The following ALX4 variants were observed in gnomAD, a reference collection of about 807,000 sequenced individuals.
The protein encoded by ALX4 is homeobox protein aristaless-like 4.
A neutral mutation model predicts 40.6 loss-of-function variants in ALX4; 22 were observed. The observed-to-expected ratio is 0.54, with a 90% CI of 0.39 to 0.77. The LOEUF (loss-of-function observed/expected upper bound fraction) is 0.77. Ranked by LOEUF, ALX4 falls within the 30% of genes least tolerant of loss-of-function variation. The probability of loss-of-function intolerance (pLI) is 0.00; values close to 1 mark genes in which losing one functional copy is unlikely to be tolerated. For missense variants in ALX4, 556 were observed against 564.8 expected (o/e 0.98, Z 0.16); for synonymous variants, 266 against 240.5 (o/e 1.11, Z -0.98).
intron 1 of ALX4, among the ~76,000 whole-genome samples, chr11:44,278,700 C>A (rs542024760): frequency 2.6e-5 from 4 of 152,196 alleles, no homozygotes; most frequent in African/African-American, 9.7e-5. Flanking sequence ...CCTCGGCCCC[C>A]GCTCTTCTCA....
chr11:44,275,727 G>A, intron 1 of ALX4, 69 bp from the exon 2 acceptor site: 1 of 1,504,424 alleles, frequency 6.6e-7, no homozygotes, highest in African/African-American at 1.4e-5. Flanking sequence ...ATGTCAGGGG[G>A]AGAGTGGGGC....
chr11:44,280,233 CAGA>C (rs753772542), intron 1 of ALX4, among the ~76,000 whole-genome samples: 4 of 152,220 alleles, frequency 2.6e-5, no homozygotes, highest in Non-Finnish European at 1.5e-5. Flanking sequence ...GAGCAAGGGA[CAGA>C]AGGAGAAGCA....
intron 1 of ALX4, among the ~76,000 whole-genome samples, chr11:44,278,351 C>T (rs1406358998): frequency 6.6e-6 from 1 of 152,202 alleles, no homozygotes; most frequent in Non-Finnish European, 1.5e-5. Flanking sequence ...CCTCTACTCC[C>T]TCCCCTGCGG....
chr11:44,275,160 C>A (rs934384730), intron 2 of ALX4, among the ~76,000 whole-genome samples, 188 bp downstream of exon 2: 1 of 152,188 alleles, frequency 6.6e-6, no homozygotes, highest in African/African-American at 2.4e-5. Flanking sequence ...AGGATAAAAG[C>A]AGAGTCGCTC....
At chr11:44,288,856 A>T (rs1159230120) in intron 1 of ALX4, among the ~76,000 whole-genome samples, 1 of 152,248 alleles carries the variant, frequency 6.6e-6, no homozygotes, top group Non-Finnish European at 1.5e-5. Flanking sequence ...TTGTATAAAA[A>T]AAAGAAATGG....
At chr11:44,287,595 C>CAAAA (rs201040076) in intron 1 of ALX4, among the ~76,000 whole-genome samples, 6 of 130,632 alleles carry the variant, frequency 4.6e-5, no homozygotes, top group South Asian at 2.8e-4. Context: ...AGACCTGTCT[C>CAAAA]AAAAAAAAAA....
intron 1 of ALX4, among the ~76,000 whole-genome samples, chr11:44,305,566 C>T (rs1401118891): frequency 6.6e-6 from 1 of 152,232 alleles, no homozygotes; most frequent in Non-Finnish European, 1.5e-5. Flanking sequence ...GTATACAAAA[C>T]ACACCCCAGT....
chr11:44,280,038 A>G (rs139920072), intron 1 of ALX4, among the ~76,000 whole-genome samples: 1 of 152,362 alleles, frequency 6.6e-6, no homozygotes. Context: ...ATGTCTCTCG[A>G]GTAAATGAAC....
At chr11:44,282,326 G>A (rs72907810) in intron 1 of ALX4, among the ~76,000 whole-genome samples, 9,965 of 149,466 alleles carry the variant, frequency 0.067, 447 homozygotes, top group Non-Finnish European at 0.1. Flanking sequence ...TATCACAGTG[G>A]GAATAAGACC....
At chr11:44,301,662 A>C (rs1026460374) in intron 1 of ALX4, among the ~76,000 whole-genome samples, 4 of 152,152 alleles carry the variant, frequency 2.6e-5, no homozygotes, top group Non-Finnish European at 5.9e-5. Flanking sequence ...CGCATCCAAC[A>C]AGAGAGCGGG....
At chr11:44,292,515 A>G (rs1447039590) in intron 1 of ALX4, among the ~76,000 whole-genome samples, 2 of 151,196 alleles carry the variant, frequency 1.3e-5, no homozygotes, top group Non-Finnish European at 1.5e-5. Context: ...CACCATGCCC[A>G]GTCCTAGTTT....
chr11:44,281,104 T>C (rs1345991064), intron 1 of ALX4, among the ~76,000 whole-genome samples: 1 of 152,180 alleles, frequency 6.6e-6, no homozygotes, highest in Non-Finnish European at 1.5e-5. Flanking sequence ...GACTGATTTT[T>C]CTTTTTTCTT....
intron 1 of ALX4, among the ~76,000 whole-genome samples, chr11:44,306,341 C>T (rs184917040): frequency 6.6e-6 from 1 of 152,368 alleles, no homozygotes; most frequent in Non-Finnish European, 1.5e-5. Flanking sequence ...CAGACCCGGC[C>T]AGCAGAGACT....
chr11:44,285,297 C>T (rs970426748), intron 1 of ALX4, among the ~76,000 whole-genome samples: 1 of 152,194 alleles, frequency 6.6e-6, no homozygotes, highest in African/African-American at 2.4e-5. Flanking sequence ...AACCATATTC[C>T]GTACCCCTTT....
chr11:44,286,225 G>A (rs1010544987), intron 1 of ALX4, among the ~76,000 whole-genome samples: 11 of 152,216 alleles, frequency 7.2e-5, no homozygotes, highest in African/African-American at 2.4e-4. Context: ...ACAGCGCAGG[G>A]CAGGAAGGAC....
At position 44,273,048 on chromosome 11, in the gene ALX4, A is replaced by T. The variant is rs1956258053; in HGVS notation, c.777+2300T>A. On this transcript the variant is annotated intron_variant, in intron 2 of 3. Coordinates refer to ENST00000652299, the MANE Select transcript of ALX4 (RefSeq NM_021926.4). ...GTTGTAACTGATGAATCTTTTACTG[A>T]TGCCTTAGAACAATGCTGCTGAAGA... Among the ~76,000 whole-genome samples, 3 of 152,180 alleles carry T rather than the reference A, an allele frequency of 2.0e-5. No individual in the cohort carries two copies. In the South Asian group the frequency reaches 6.2e-4, roughly 31 times the overall value.
At chr11:44,266,547 C>T (rs1375795862) in intron 3 of ALX4, among the ~76,000 whole-genome samples, 1 of 152,164 alleles carries the variant, frequency 6.6e-6, no homozygotes, top group Non-Finnish European at 1.5e-5. Flanking sequence ...AGACCATTTG[C>T]TAGCACAGAA....
intron 1 of ALX4, among the ~76,000 whole-genome samples, chr11:44,293,406 C>T (rs1956384213): frequency 1.4e-5 from 1 of 73,802 alleles, no homozygotes; most frequent in African/African-American, 4.7e-5. Context: ...TGGCAAAACC[C>T]CATCTTAAAA....
At chr11:44,270,935 G>A (rs1435110934) in intron 2 of ALX4, among the ~76,000 whole-genome samples, 2 of 152,230 alleles carry the variant, frequency 1.3e-5, no homozygotes, top group African/African-American at 2.4e-5. Context: ...GACACCAGCT[G>A]CAGAGATTGG....
Sources: allele counts gnomAD v4.1 joint callset (sites outside exome capture counted in the v4.1 genomes callset), GRCh38; gene constraint gnomAD v4.1.1; transcripts MANE v1.5; gene names NCBI Gene and HGNC (gene_info 2026-07-23, HGNC 2026-07-21).